The following TMEM232 variants were observed in gnomAD, a reference collection of about 807,000 sequenced individuals.
TMEM232 encodes the protein transmembrane protein 232.
Under a neutral mutation model 78.8 loss-of-function variants are expected in TMEM232, and 80 were observed. That is an observed-to-expected ratio of 1.01 (90% confidence interval 0.85 to 1.22). The LOEUF is 1.22. Ranked by LOEUF, TMEM232 falls within the 50% of genes most tolerant of loss-of-function variation. TMEM232 has a pLI of 0.00. For missense variants in TMEM232, 881 were observed against 742.2 expected (o/e 1.19, Z -2.17); for synonymous variants, 297 against 254.3 (o/e 1.17, Z -1.60).
intron 3 of TMEM232, among the ~76,000 whole-genome samples, chr5:110,641,311 T>A (rs780254919): frequency 6.6e-6 from 1 of 152,156 alleles, no homozygotes; most frequent in Non-Finnish European, 1.5e-5. Context: ...TTTTTTTTAT[T>A]GTATAAGGAA....
At chr5:110,621,537 T>A (rs778701782) in intron 7 of TMEM232, among the ~76,000 whole-genome samples, 9 of 152,312 alleles carry the variant, frequency 5.9e-5, no homozygotes, top group Non-Finnish European at 1.2e-4. Flanking sequence ...TAATTTGTCG[T>A]CATTATTATT....
chr5:110,526,025 C>CAAAAAAA (rs758110596), intron 12 of TMEM232, among the ~76,000 whole-genome samples: 20 of 47,768 alleles, frequency 4.2e-4, no homozygotes, highest in Admixed American at 1.0e-3. Flanking sequence ...CACCATACAC[C>CAAAAAAA]AAAAAAAAAA....
chr5:110,602,149 G>T (rs1392889076), intron 10 of TMEM232, among the ~76,000 whole-genome samples: 8 of 152,076 alleles, frequency 5.3e-5, no homozygotes, highest in Non-Finnish European at 5.9e-5. Context: ...ATTAACTCAA[G>T]ATGAGTTAAA....
Position 110,653,687 on chromosome 5 carries a change from T to A in TMEM232, c.126-11316A>T, listed in dbSNP as rs376249190. Among the ~76,000 whole-genome samples, 41 of 152,274 alleles carry A rather than the reference T, an allele frequency of 2.7e-4. 1 individual carries two copies. The East Asian group carries it at 3.9e-3, about 14-fold the overall frequency. ...GAAATCATGATGTCAAGCATACAGA[T>A]AAACTCAATGTTTTTGGCCCACATG... On this transcript the variant is annotated intron_variant, in intron 2 of 13. Transcript: ENST00000455884.
At chr5:110,712,915 C>T (rs1796638515) in intron 1 of TMEM232, among the ~76,000 whole-genome samples, 1 of 152,044 alleles carries the variant, frequency 6.6e-6, no homozygotes, top group African/African-American at 2.4e-5. Context: ...TGTGTATATA[C>T]CCCAAAGAAG....
intron 5 of TMEM232, among the ~76,000 whole-genome samples, chr5:110,628,538 T>C (rs1358796438): frequency 1.3e-5 from 2 of 151,952 alleles, no homozygotes; most frequent in Non-Finnish European, 1.5e-5. Flanking sequence ...ATGGAATGTC[T>C]GAAAAAATAT....
At chr5:110,404,947 C>T (rs1399563314) in intron 2 of TMEM232, among the ~76,000 whole-genome samples, 1 of 151,910 alleles carries the variant, frequency 6.6e-6, no homozygotes, top group Non-Finnish European at 1.5e-5. Context: ...CTGGAAGATT[C>T]CAAGCAAAAA....
intron 2 of TMEM232, among the ~76,000 whole-genome samples, chr5:110,400,816 G>A (rs1755564942): frequency 6.6e-6 from 1 of 151,898 alleles, no homozygotes; most frequent in African/African-American, 2.4e-5. Flanking sequence ...GAACATCCCT[G>A]GTTATCATAC....
chr5:110,453,218 C>A (rs1392609664), intron 12 of TMEM232, among the ~76,000 whole-genome samples: 1 of 152,112 alleles, frequency 6.6e-6, no homozygotes, highest in Non-Finnish European at 1.5e-5. Flanking sequence ...AATCTGTTAC[C>A]AAAGAGAAGT....
At chr5:110,551,909 A>C (rs947701497) in intron 11 of TMEM232, among the ~76,000 whole-genome samples, 7 of 152,120 alleles carry the variant, frequency 4.6e-5, no homozygotes, top group Admixed American at 1.3e-4. Flanking sequence ...TATAGAAATA[A>C]ACACAATTTT....
At chr5:110,659,769 G>T (rs1244719262) in intron 2 of TMEM232, among the ~76,000 whole-genome samples, 2 of 152,096 alleles carry the variant, frequency 1.3e-5, no homozygotes, top group Non-Finnish European at 2.9e-5. Context: ...TTAATAGAAT[G>T]TAAGATATAA....
chr5:110,552,465 G>C (rs940108094), intron 11 of TMEM232, among the ~76,000 whole-genome samples: 6 of 152,036 alleles, frequency 3.9e-5, no homozygotes, highest in African/African-American at 1.4e-4. Context: ...CAACTATTGT[G>C]GTTAAAAATA....
At chr5:110,650,702 C>A (rs1436638606) in intron 2 of TMEM232, among the ~76,000 whole-genome samples, 1 of 152,004 alleles carries the variant, frequency 6.6e-6, no homozygotes, top group Non-Finnish European at 1.5e-5. Flanking sequence ...CTGTCCCAGC[C>A]TAGAAGAGCC....
intron 12 of TMEM232, among the ~76,000 whole-genome samples, chr5:110,489,465 A>G (rs1289321592): frequency 6.6e-6 from 1 of 152,132 alleles, no homozygotes; most frequent in African/African-American, 2.4e-5. Context: ...ACACTTTATA[A>G]TAAGAGAACA....
intron 10 of TMEM232, among the ~76,000 whole-genome samples, chr5:110,569,582 T>C (rs1347144935): frequency 1.3e-5 from 2 of 151,856 alleles, no homozygotes; most frequent in East Asian, 3.9e-4. Context: ...ATTGCACTTT[T>C]CTCCAAAACC....
chr5:110,643,675 G>A (rs1439417504), intron 2 of TMEM232, among the ~76,000 whole-genome samples: 1 of 151,912 alleles, frequency 6.6e-6, no homozygotes, highest in Non-Finnish European at 1.5e-5. Context: ...TTAAATTACT[G>A]TATTTACTGA....
intron 10 of TMEM232, among the ~76,000 whole-genome samples, chr5:110,594,172 G>A (rs1228571600): frequency 1.3e-5 from 2 of 151,810 alleles, no homozygotes; most frequent in East Asian, 2.0e-4. Flanking sequence ...GAAGCATGGT[G>A]GGGCATTGCC....
chr5:110,652,700 T>C (rs1788508138), intron 2 of TMEM232, among the ~76,000 whole-genome samples: 2 of 152,160 alleles, frequency 1.3e-5, no homozygotes, highest in African/African-American at 2.4e-5. Flanking sequence ...TAGACATTAT[T>C]GTAAAAATTA....
At chr5:110,502,704 G>A (rs1766407622) in intron 12 of TMEM232, among the ~76,000 whole-genome samples, 1 of 152,110 alleles carries the variant, frequency 6.6e-6, no homozygotes. Flanking sequence ...CTACCCGGTA[G>A]CCACATTGCC....
Sources: allele counts gnomAD v4.1 joint callset (sites outside exome capture counted in the v4.1 genomes callset), GRCh38; gene constraint gnomAD v4.1.1; transcripts MANE v1.5; gene names NCBI Gene and HGNC (gene_info 2026-07-23, HGNC 2026-07-21).